The following MECOM variants were observed in gnomAD, a reference collection of about 807,000 sequenced individuals.
The protein encoded by MECOM is MDS1 and EVI1 complex locus.
Under a neutral mutation model 116.3 loss-of-function variants are expected in MECOM, and 13 were observed. The ratio of observed to expected loss-of-function variants is 0.11; its 90% confidence interval spans 0.07 to 0.18. MECOM has a LOEUF of 0.18. Ranked by LOEUF, MECOM falls within the 10% of genes least tolerant of loss-of-function variation. MECOM has a pLI of 1.00. For synonymous variants in MECOM, 528 were observed against 535.2 expected, an observed-to-expected ratio of 0.99 and a Z score of 0.19; for missense variants, 1,299 against 1,509.0, an observed-to-expected ratio of 0.86 and a Z score of 2.31.
At chr3:169,197,570 T>G (rs772541166) in intron 2 of MECOM, among the ~76,000 whole-genome samples, 7 of 151,972 alleles carry the variant, frequency 4.6e-5, no homozygotes, top group Admixed American at 2.6e-4. Context: ...ATGCTATGCT[T>G]TTAAAGCCAG....
At chr3:169,574,860 G>A (rs757044050) in intron 1 of MECOM, among the ~76,000 whole-genome samples, 1 of 152,032 alleles carries the variant, frequency 6.6e-6, no homozygotes, top group Non-Finnish European at 1.5e-5. Flanking sequence ...TCAATGAGGG[G>A]AGGGAGAAAA....
At chr3:169,525,025 T>A (rs1436925472) in intron 1 of MECOM, among the ~76,000 whole-genome samples, 1 of 152,078 alleles carries the variant, frequency 6.6e-6, no homozygotes, top group East Asian at 1.9e-4. Context: ...GATAAGATAT[T>A]CCAAATTCAA....
intron 2 of MECOM, among the ~76,000 whole-genome samples, chr3:169,295,404 T>C (rs186594588): frequency 8.5e-5 from 13 of 152,366 alleles, no homozygotes; most frequent in Middle Eastern, 3.4e-3. Context: ...TCTAAAATTA[T>C]AAAGTGGTAT....
At chr3:169,658,882 C>T (rs1273518325) in intron 1 of MECOM, among the ~76,000 whole-genome samples, 1 of 151,954 alleles carries the variant, frequency 6.6e-6, no homozygotes, top group Non-Finnish European at 1.5e-5. Flanking sequence ...GAGAGGGGGC[C>T]GAGCCGGGCG....
At chr3:169,255,432 C>T (rs12635740) in intron 2 of MECOM, among the ~76,000 whole-genome samples, 49,658 of 151,382 alleles carry the variant, frequency 0.33, 8,457 homozygotes, top group East Asian at 0.54. Flanking sequence ...CCTCTCATAG[C>T]GAGGAACATA....
rs1755884492 is a variant in MECOM at position 169,510,871 on chromosome 3, G to A, written c.38-129347C>T. Among the ~76,000 whole-genome samples the A allele has an allele frequency of 6.6e-5, 10 of 152,264 alleles. No homozygotes were observed. The South Asian group carries it at 1.9e-3, about 28-fold the overall frequency. On this transcript the variant is annotated intron_variant, in intron 1 of 16. Transcript: ENST00000651503. ...TGGTGCTACTTATCTTAAATCCCCT[G>A]AGGGCAGACATGGCAAAGGTGTTGG...
intron 1 of MECOM, 111 bp downstream of exon 1, chr3:169,663,225 C>T: frequency 5.3e-6 from 7 of 1,312,792 alleles, no homozygotes; most frequent in South Asian, 3.8e-5. Context: ...GCCCTCCACC[C>T]GGGGCCCCGG....
intron 5 of MECOM, among the ~76,000 whole-genome samples, chr3:169,124,533 T>C (rs1184305075): frequency 3.2e-5 from 4 of 125,810 alleles, no homozygotes; most frequent in Non-Finnish European, 6.7e-5. Context: ...AGGAAATTTG[T>C]GCTCTTACTG....
At chr3:169,168,772 A>C (rs902634071) in intron 2 of MECOM, among the ~76,000 whole-genome samples, 4 of 151,930 alleles carry the variant, frequency 2.6e-5, no homozygotes, top group African/African-American at 9.7e-5. Flanking sequence ...GCAAATCTCA[A>C]AAAAAAGTTG....
At chr3:169,648,408 T>C (rs1335629121) in intron 1 of MECOM, among the ~76,000 whole-genome samples, 1 of 152,214 alleles carries the variant, frequency 6.6e-6, no homozygotes, top group Non-Finnish European at 1.5e-5. Context: ...CTACCCAGTA[T>C]TTTTAGGTCA....
At chr3:169,361,105 G>A (rs1728232454) in intron 2 of MECOM, among the ~76,000 whole-genome samples, 1 of 151,808 alleles carries the variant, frequency 6.6e-6, no homozygotes, top group Non-Finnish European at 1.5e-5. Context: ...CTTTCATGGA[G>A]TTAGGGATGA....
intron 2 of MECOM, among the ~76,000 whole-genome samples, chr3:169,324,515 G>A (rs1409734416): frequency 6.6e-6 from 1 of 152,152 alleles, no homozygotes. Flanking sequence ...AGTTCATTTA[G>A]GAAACTCTCT....
intron 1 of MECOM, among the ~76,000 whole-genome samples, chr3:169,652,700 A>G (rs1449172546): frequency 6.6e-6 from 1 of 152,248 alleles, no homozygotes; most frequent in Non-Finnish European, 1.5e-5. Context: ...TCAGTAAAAC[A>G]AGATTCAATA....
chr3:169,587,426 AACACACACACACACACACACACACAC>A (rs3980637), intron 1 of MECOM, among the ~76,000 whole-genome samples: 1 of 141,086 alleles, frequency 7.1e-6, no homozygotes, highest in Non-Finnish European at 1.5e-5. Context: ...CCCACACGCC[AACACACACACACACACACACACACAC>A]ACACACACAC....
intron 1 of MECOM, chr3:169,477,067 T>C (rs1238938048): frequency 7.3e-6 from 1 of 137,824 alleles, no homozygotes; most frequent in Admixed American, 7.3e-5. Flanking sequence ...TGCCTAGAGG[T>C]CTGGATAAGT....
chr3:169,451,173 G>A (rs1300896075), intron 1 of MECOM, among the ~76,000 whole-genome samples: 1 of 151,726 alleles, frequency 6.6e-6, no homozygotes, highest in African/African-American at 2.4e-5. Flanking sequence ...ATGTGTGTGT[G>A]AGATTTTCAT....
intron 1 of MECOM, among the ~76,000 whole-genome samples, chr3:169,498,310 G>C (rs1754086803): frequency 1.3e-5 from 2 of 152,152 alleles, no homozygotes; most frequent in Non-Finnish European, 2.9e-5. Context: ...GGCAGTGTAA[G>C]TACATGCCAA....
chr3:169,507,917 C>T (rs1032816348), intron 1 of MECOM, among the ~76,000 whole-genome samples: 5 of 151,828 alleles, frequency 3.3e-5, no homozygotes, highest in African/African-American at 1.2e-4. Flanking sequence ...GCCTCGGCCT[C>T]CCAAAGTGCT....
chr3:169,228,574 A>C (rs1052417516), intron 2 of MECOM, among the ~76,000 whole-genome samples: 2 of 152,206 alleles, frequency 1.3e-5, no homozygotes, highest in African/African-American at 4.8e-5. Context: ...AATAGAAAAG[A>C]AATTTATGAA....
Sources: allele counts gnomAD v4.1 joint callset (sites outside exome capture counted in the v4.1 genomes callset), GRCh38; gene constraint gnomAD v4.1.1; transcripts MANE v1.5; gene names NCBI Gene and HGNC (gene_info 2026-07-23, HGNC 2026-07-21).